Variants in FBXW11 observed in about 807,000 individuals in gnomAD.
FBXW11 encodes F-box and WD repeat domain containing 11.
FBXW11 carries 19 observed loss-of-function variants against 77.6 expected under a neutral mutation model. The ratio of observed to expected loss-of-function variants is 0.24; its 90% CI spans 0.17 to 0.36. FBXW11 has a LOEUF of 0.36. Ranked by LOEUF, FBXW11 falls within the 10% of genes least tolerant of loss-of-function variation. The pLI is 1.00. For missense variants in FBXW11, 334 were observed against 704.2 expected (o/e 0.47, Z 5.95); for synonymous variants, 235 against 249.4 (o/e 0.94, Z 0.54).
chr5:171,931,352 T>A (rs1420613729), intron 2 of FBXW11, among the ~76,000 whole-genome samples: 2 of 152,146 alleles, frequency 1.3e-5, no homozygotes, highest in African/African-American at 4.8e-5. Context: ...CAGAGCTAGG[T>A]CAATGGAATA....
At position 171,868,682 on chromosome 5, in the gene FBXW11, T is replaced by G; in HGVS notation, c.1645A>C (p.Asn549His). 6.2e-7 allele frequency: 1 copy of G among 1,613,920 alleles called. No homozygotes were observed. The highest frequency in any genetic ancestry group is 8.5e-7 in the Non-Finnish European group (1 of 1,179,892). Residue 549 changes from asparagine (N) to histidine (H), a missense_variant, in exon 13 of 14, where the codon AAT (asparagine) becomes CAT (histidine). This residue lies in a region of FBXW11 where 20 missense variants were observed against 26.8 expected (regional missense o/e 0.75). Coordinates refer to ENST00000517395, the MANE Select transcript of FBXW11 (RefSeq NM_001378974.1). ...DFLNVPPSAQNETRSPSRTYT... is the reference protein window; with the variant it reads ...DFLNVPPSAQHETRSPSRTYT... ...GTTCTGGAGGGAGAACGGGTCTCAT[T>G]CTGGGCACTGGGAGGCACATTTAAG...
At chr5:171,906,013 A>G (rs933084055) in intron 4 of FBXW11, among the ~76,000 whole-genome samples, 2 of 152,176 alleles carry the variant, frequency 1.3e-5, no homozygotes, top group African/African-American at 4.8e-5. Flanking sequence ...GTCTGGAAAA[A>G]CTTCAATAAT....
intron 1 of FBXW11, among the ~76,000 whole-genome samples, chr5:171,987,319 C>T (rs1437229425): frequency 6.6e-6 from 1 of 152,196 alleles, no homozygotes; most frequent in Non-Finnish European, 1.5e-5. Context: ...CCCAGATAGA[C>T]AACAAACACC....
intron 2 of FBXW11, among the ~76,000 whole-genome samples, chr5:171,939,500 C>A (rs1762639466): frequency 6.6e-6 from 1 of 151,884 alleles, no homozygotes; most frequent in African/African-American, 2.4e-5. Flanking sequence ...AGTTCAAGAC[C>A]AGCCTGTGCA....
intron 1 of FBXW11, among the ~76,000 whole-genome samples, chr5:171,967,398 T>C (rs991039845): frequency 6.6e-6 from 1 of 152,196 alleles, no homozygotes; most frequent in East Asian, 1.9e-4. Flanking sequence ...ATAGAAATCA[T>C]GCTATACGAA....
At chr5:171,891,831 T>C (rs546974409) in intron 6 of FBXW11, among the ~76,000 whole-genome samples, 1 of 152,238 alleles carries the variant, frequency 6.6e-6, no homozygotes, top group African/African-American at 2.4e-5. Context: ...GGATTTCCAA[T>C]GAGTTTTGGA....
At chr5:171,898,696 C>T (rs931432560) in intron 6 of FBXW11, among the ~76,000 whole-genome samples, 1 of 151,898 alleles carries the variant, frequency 6.6e-6, no homozygotes, top group South Asian at 2.1e-4. Context: ...AAAAACGGGG[C>T]CTTGGATTTT....
chr5:171,888,066 T>A (rs902837981), intron 7 of FBXW11, among the ~76,000 whole-genome samples: 7 of 152,106 alleles, frequency 4.6e-5, no homozygotes, highest in Non-Finnish European at 1.0e-4. Context: ...AAGAAATCCC[T>A]CTAGGCAGAG....
intron 1 of FBXW11, among the ~76,000 whole-genome samples, chr5:171,987,635 G>A (rs1765518339): frequency 6.6e-6 from 1 of 152,014 alleles, no homozygotes; most frequent in South Asian, 2.1e-4. Context: ...TGTATTTTTA[G>A]TGAGACGGGG....
chr5:171,868,748 T>G lies in FBXW11; in HGVS notation c.1579A>C (p.Ile527Leu). ...ATAGTGTCATCATGGGAGCTGCTGATGATCTGAAACTCATCAAACTGGAGC... is the reference window on the plus strand; with the variant it reads ...ATAGTGTCATCATGGGAGCTGCTGAGGATCTGAAACTCATCAAACTGGAGC... ...FRLQFDEFQI[I>L]SSSHDDTILI... Residue 527 changes from isoleucine (I) to leucine (L), a missense_variant, in exon 13 of 14, where the codon ATC becomes CTC. By Grantham distance (5) the Ile-to-Leu change is conservative (BLOSUM62 2). Around this residue, in one of 10 missense-constraint regions of FBXW11, gnomAD observed 4 missense variants for 40.8 expected, o/e 0.10. Coordinates refer to ENST00000517395, the MANE Select transcript of FBXW11 (RefSeq NM_001378974.1). The G allele has an allele frequency of 6.2e-7, 1 of 1,614,078 alleles. No individual in the cohort carries two copies. Among genetic ancestry groups the G allele is most frequent in the Non-Finnish European group, 8.5e-7 (1 of 1,179,952 alleles).
At chr5:171,956,722 T>C (rs547673199) in intron 2 of FBXW11, among the ~76,000 whole-genome samples, 2 of 152,332 alleles carry the variant, frequency 1.3e-5, no homozygotes, top group East Asian at 3.9e-4. Flanking sequence ...AACAGGACAG[T>C]CTCAACCAGA....
intron 2 of FBXW11, among the ~76,000 whole-genome samples, chr5:171,952,296 G>T (rs1038025868): frequency 6.7e-6 from 1 of 149,974 alleles, no homozygotes; most frequent in Non-Finnish European, 1.5e-5. Context: ...ACCAATGGAC[G>T]TTTTCTTCTT....
At chr5:171,988,637 G>A (rs1765572497) in intron 1 of FBXW11, among the ~76,000 whole-genome samples, 1 of 151,964 alleles carries the variant, frequency 6.6e-6, no homozygotes, top group African/African-American at 2.4e-5. Flanking sequence ...TTGAGGTCAG[G>A]AGTTTGAGAC....
chr5:171,954,551 TA>T (rs1280283647), intron 2 of FBXW11, among the ~76,000 whole-genome samples: 1 of 152,206 alleles, frequency 6.6e-6, no homozygotes, highest in East Asian at 1.9e-4. Flanking sequence ...TTATTTGCTA[TA>T]ACAATCAACT....
chr5:171,959,880 A>G (rs994310167), intron 1 of FBXW11, among the ~76,000 whole-genome samples: 6 of 151,940 alleles, frequency 3.9e-5, no homozygotes, highest in African/African-American at 1.4e-4. Context: ...AAGAAAAGAA[A>G]AAAAACCAGC....
At chr5:171,884,915 G>A (rs1758777340) in intron 7 of FBXW11, among the ~76,000 whole-genome samples, 1 of 152,178 alleles carries the variant, frequency 6.6e-6, no homozygotes, top group South Asian at 2.1e-4. Flanking sequence ...ACTGATTTGT[G>A]TACATTAATC....
intron 1 of FBXW11, among the ~76,000 whole-genome samples, chr5:171,965,798 T>C (rs1354775975): frequency 1.3e-5 from 2 of 152,112 alleles, no homozygotes; most frequent in South Asian, 2.1e-4. Flanking sequence ...TCACAACATA[T>C]TCATGTAGTT....
Position 171,973,855 on chromosome 5 carries a change from T to C in FBXW11, c.46-16157A>G, listed in dbSNP as rs114762184. On this transcript the variant is annotated intron_variant, in intron 1 of 13. Transcript: ENST00000517395. ...AACTGTTCTAAAAATAGACTATTAATTTAAAATATATTTATGAAACAGGCA... is the reference window on the plus strand; with the variant it reads ...AACTGTTCTAAAAATAGACTATTAACTTAAAATATATTTATGAAACAGGCA... Among the ~76,000 whole-genome samples, 1,332 of 152,306 alleles carry C rather than the reference T, an allele frequency of 8.7e-3. 12 individuals are homozygous for C. The highest frequency in any genetic ancestry group is 0.028 in the African/African-American group (1,148 of 41,576).
At chr5:171,985,329 G>T (rs183143511) in intron 1 of FBXW11, among the ~76,000 whole-genome samples, 2 of 152,156 alleles carry the variant, frequency 1.3e-5, no homozygotes, top group African/African-American at 2.4e-5. Flanking sequence ...ATCTAGGCAG[G>T]GATCACACGC....
Sources: gnomAD v4.1 joint callset for allele counts (sites outside exome capture counted in the v4.1 genomes callset) on GRCh38, gnomAD v4.1.1 for gene constraint, gnomAD v4.1.1 regional missense constraint, MANE v1.5 for transcripts, NCBI Gene and HGNC (gene_info 2026-07-23, HGNC 2026-07-21) for gene names.